The following MYO16 variants were observed in gnomAD, a reference collection of about 807,000 sequenced individuals.
MYO16 encodes the protein unconventional myosin-XVI.
A neutral mutation model predicts 205.3 loss-of-function variants in MYO16; 94 were observed. The observed-to-expected ratio is 0.46, with a 90% confidence interval of 0.39 to 0.54. The LOEUF (loss-of-function observed/expected upper bound fraction) is 0.54. Among genes scored for constraint, MYO16 ranks in the 20% least tolerant of loss-of-function variants. The pLI is 0.00. For missense variants in MYO16, 2,315 were observed against 2,387.5 expected, an observed-to-expected ratio of 0.97 and a Z score of 0.63; for synonymous variants, 988 against 954.0, an observed-to-expected ratio of 1.04 and a Z score of -0.66.
intron 20 of MYO16, among the ~76,000 whole-genome samples, chr13:108,983,310 TG>T (rs1884513603): frequency 6.6e-6 from 1 of 152,114 alleles, no homozygotes; most frequent in Admixed American, 6.5e-5. Context: ...GTGAGAACCG[TG>T]GGAGGAAGAA....
At chr13:108,798,362 G>A (rs367694281) in intron 6 of MYO16, among the ~76,000 whole-genome samples, 2 of 152,274 alleles carry the variant, frequency 1.3e-5, no homozygotes, top group East Asian at 3.9e-4. Context: ...AAGGCTCAAT[G>A]GGAATAAAAT....
At chr13:108,761,077 G>A (rs967124313) in intron 4 of MYO16, among the ~76,000 whole-genome samples, 8 of 151,996 alleles carry the variant, frequency 5.3e-5, no homozygotes, top group Non-Finnish European at 1.0e-4. Flanking sequence ...ACCTTTTTTT[G>A]CCGTTTATCT....
At chr13:108,975,889 T>C (rs1380063293) in intron 20 of MYO16, among the ~76,000 whole-genome samples, 1 of 152,196 alleles carries the variant, frequency 6.6e-6, no homozygotes, top group Non-Finnish European at 1.5e-5. Context: ...AACTAGATGA[T>C]CTATAATGAT....
intron 7 of MYO16, among the ~76,000 whole-genome samples, chr13:108,813,237 G>T (rs893531599): frequency 6.6e-6 from 1 of 152,132 alleles, no homozygotes; most frequent in African/African-American, 2.4e-5. Context: ...AGAAATCATA[G>T]TTGAATCATT....
chr13:108,553,913 G>A, the MYO16 span, among the ~76,000 whole-genome samples: 1 of 152,254 alleles, frequency 6.6e-6, no homozygotes, highest in Admixed American at 6.5e-5. Flanking sequence ...GAAGAGAAAA[G>A]TGTGTTGGAA....
intron 4 of MYO16, among the ~76,000 whole-genome samples, chr13:108,744,945 G>T (rs956135860): frequency 6.6e-6 from 1 of 152,102 alleles, no homozygotes; most frequent in Non-Finnish European, 1.5e-5. Flanking sequence ...TGGTAAAAAT[G>T]CTTACTTAAT....
chr13:108,572,929 G>A, the MYO16 span, among the ~76,000 whole-genome samples: 1 of 152,194 alleles, frequency 6.6e-6, no homozygotes, highest in East Asian at 1.9e-4. Flanking sequence ...GACTGTGGGT[G>A]TCCGCTGCAG....
At chr13:109,181,328 AC>A (rs796969599) in intron 34 of MYO16, among the ~76,000 whole-genome samples, 12 of 152,364 alleles carry the variant, frequency 7.9e-5, no homozygotes, top group African/African-American at 2.6e-4. Context: ...CAGATTCCTT[AC>A]TGGTGAGAAG....
chr13:108,498,721 A>T, the MYO16 span, among the ~76,000 whole-genome samples: 1 of 152,326 alleles, frequency 6.6e-6, no homozygotes, highest in South Asian at 2.1e-4. Context: ...AATTCCACTG[A>T]GGCAAGGAAG....
intron 20 of MYO16, among the ~76,000 whole-genome samples, chr13:108,979,743 ATTTGTTTTTTCATTAC>A (rs1884390201): frequency 6.6e-6 from 1 of 152,070 alleles, no homozygotes; most frequent in Non-Finnish European, 1.5e-5. Flanking sequence ...GCAATTGTGC[ATTTGTTTTTTCATTAC>A]TTTGTGAGAC....
intron 4 of MYO16, among the ~76,000 whole-genome samples, chr13:108,765,803 G>A (rs1885759600): frequency 6.6e-6 from 1 of 152,084 alleles, no homozygotes; most frequent in Non-Finnish European, 1.5e-5. Context: ...TACACATTTA[G>A]TTTTGTTATT....
At chr13:109,170,847 T>C (rs1878895684) in intron 33 of MYO16, among the ~76,000 whole-genome samples, 1 of 152,214 alleles carries the variant, frequency 6.6e-6, no homozygotes, top group Admixed American at 6.5e-5. Context: ...TAACACATAG[T>C]GTGTACGGCC....
chr13:108,570,161 C>A, the MYO16 span, among the ~76,000 whole-genome samples: 9 of 151,996 alleles, frequency 5.9e-5, no homozygotes, highest in African/African-American at 9.7e-5. Flanking sequence ...TTATTTTATT[C>A]TACACTTTGG....
chr13:109,005,027 C>A (rs1359292633), intron 21 of MYO16, among the ~76,000 whole-genome samples: 1 of 152,162 alleles, frequency 6.6e-6, no homozygotes, highest in African/African-American at 2.4e-5. Context: ...GTGCATTTCT[C>A]TTGAAATCTA....
At chr13:109,186,835 A>C (rs1879709040) in intron 34 of MYO16, among the ~76,000 whole-genome samples, 2 of 152,222 alleles carry the variant, frequency 1.3e-5, no homozygotes, top group African/African-American at 4.8e-5. Context: ...ACATCACTGA[A>C]AATGCCTCTA....
intron 9 of MYO16, among the ~76,000 whole-genome samples, chr13:108,834,061 A>C (rs997704901): frequency 6.6e-6 from 1 of 152,216 alleles, no homozygotes; most frequent in Non-Finnish European, 1.5e-5. Context: ...AACATGAAAA[A>C]AATGACTCAT....
rs780998404 is a variant in MYO16, at chr13:108,957,795, G to A, written c.2033G>A (p.Ser678Asn). The A allele has an allele frequency of 1.9e-6, 3 of 1,609,566 alleles. No homozygotes were observed. The highest frequency in any genetic ancestry group is 2.6e-6 in the Non-Finnish European group (3 of 1,175,952). The change falls in exon 17 of 35, where the codon AGC becomes AAC. Residue 678 changes from serine (S) to asparagine (N), a missense_variant. Ser to Asn is a conservative substitution (Grantham distance 46). This residue lies in a region of MYO16 where 1,213 missense variants were observed against 1,274.4 expected (regional missense o/e 0.95). Transcript: ENST00000457511. ...KRALNVVGFS[S>N]LEVENLFVIL... ...GCCCTGAATGTAGTTGGCTTCAGCA[G>A]CTTGGTGAGTCATGTCATAAATATT...
rs1876211279 is a variant in MYO16, at chr13:109,125,606, T to C, written c.3782+248T>C. Among the ~76,000 whole-genome samples, 1 of 152,246 alleles carries C rather than the reference T, an allele frequency of 6.6e-6. No homozygotes were observed. Among genetic ancestry groups the C allele is most frequent in the Admixed American group, 6.5e-5 (1 of 15,280 alleles). ...ATGATGACTGCCTCTCCTGCCATGC[T>C]TGTGTCACTTAACTACCTCAAGCAC... On this transcript the variant is annotated intron_variant, in intron 30 of 34. Transcript: ENST00000457511. The surrounding 1 kb of genome is among the most constrained non-coding windows in gnomAD (Gnocchi z 4.0).
At chr13:108,789,442 A>C (rs1165057841) in intron 5 of MYO16, among the ~76,000 whole-genome samples, 1 of 152,112 alleles carries the variant, frequency 6.6e-6, no homozygotes, top group Admixed American at 6.5e-5. Flanking sequence ...CAGGTGAATC[A>C]GTTCATGAAT....
Sources: gnomAD v4.1 joint callset for allele counts (sites outside exome capture counted in the v4.1 genomes callset) on GRCh38, gnomAD v4.1.1 for gene constraint, gnomAD v4.1.1 regional missense constraint, Gnocchi (gnomAD v3.1) non-coding constraint, MANE v1.5 for transcripts, NCBI Gene and HGNC (gene_info 2026-07-23, HGNC 2026-07-21) for gene names.